ZRANB3: variants seen among roughly 807,000 people sequenced by gnomAD.
ZRANB3 encodes DNA annealing helicase and endonuclease ZRANB3.
ZRANB3 carries 125 observed loss-of-function variants against 133.8 expected under a neutral mutation model. The observed-to-expected ratio is 0.93, with a 90% CI of 0.81 to 1.08. ZRANB3 has a LOEUF of 1.08. ZRANB3 is among the 50% of genes least tolerant of loss of function. The pLI, the probability that ZRANB3 is intolerant of heterozygous loss-of-function variation, is 0.00. For missense variants in ZRANB3, 1,229 were observed against 1,275.5 expected (o/e 0.96, Z 0.56); for synonymous variants, 387 against 432.7 (o/e 0.89, Z 1.31).
intron 1 of ZRANB3, among the ~76,000 whole-genome samples, chr2:135,520,187 C>T (rs929196559): frequency 1.3e-5 from 2 of 151,512 alleles, no homozygotes; most frequent in Non-Finnish European, 2.9e-5. Flanking sequence ...AGTTCAAGAC[C>T]AGCCTGGCAA....
chr2:135,364,188 A>G (rs1685823989), intron 3 of ZRANB3, among the ~76,000 whole-genome samples: 1 of 152,038 alleles, frequency 6.6e-6, no homozygotes, highest in African/African-American at 2.4e-5. Flanking sequence ...TATGTGGATG[A>G]CTCTCAGGTT....
At chr2:135,419,566 TA>T (rs1402768099) in intron 2 of ZRANB3, among the ~76,000 whole-genome samples, 1 of 151,964 alleles carries the variant, frequency 6.6e-6, no homozygotes, top group Non-Finnish European at 1.5e-5. Context: ...TTTTTAAGGG[TA>T]AAATAAGGAT....
intron 15 of ZRANB3, among the ~76,000 whole-genome samples, chr2:135,220,170 G>A (rs1038090146): frequency 6.6e-6 from 1 of 152,018 alleles, no homozygotes; most frequent in Non-Finnish European, 1.5e-5. Context: ...CTCCCAAAGT[G>A]CTAGGATTAT....
chr2:135,327,075 C>T (rs2104841693), intron 6 of ZRANB3, among the ~76,000 whole-genome samples: 1 of 152,036 alleles, frequency 6.6e-6, no homozygotes, highest in Admixed American at 6.6e-5. Context: ...ATTGTTGAAG[C>T]TGGGTAATGA....
At chr2:135,270,855 C>T (rs1444464810) in intron 10 of ZRANB3, among the ~76,000 whole-genome samples, 1 of 152,208 alleles carries the variant, frequency 6.6e-6, no homozygotes, top group East Asian at 1.9e-4. Context: ...CTAGCTTAGA[C>T]ATTTACAACA....
At chr2:135,285,065 G>A (rs1379091501) in intron 8 of ZRANB3, among the ~76,000 whole-genome samples, 3 of 149,858 alleles carry the variant, frequency 2.0e-5, no homozygotes, top group East Asian at 4.0e-4. Context: ...GGCTGGTCTC[G>A]AACTCCCGGC....
intron 2 of ZRANB3, among the ~76,000 whole-genome samples, chr2:135,439,672 A>G (rs1015557054): frequency 3.9e-5 from 6 of 152,200 alleles, no homozygotes; most frequent in African/African-American, 2.4e-5. Context: ...ATGGTTCTCA[A>G]ATTTGACTAC....
intron 12 of ZRANB3, among the ~76,000 whole-genome samples, chr2:135,245,926 C>CAAAAAAA (rs1177438717): frequency 0.14 from 2,667 of 19,498 alleles, 528 homozygotes; most frequent in East Asian, 0.4. Context: ...AACTCCGTCT[C>CAAAAAAA]AAAAAAAAAA....
At chr2:135,437,440 A>C (rs1689596634) in intron 2 of ZRANB3, among the ~76,000 whole-genome samples, 1 of 152,210 alleles carries the variant, frequency 6.6e-6, no homozygotes, top group Admixed American at 6.5e-5. Context: ...AAGGCAGAAC[A>C]GTAGTTTGGA....
chr2:135,355,107 G>T, intron 3 of ZRANB3: 3 of 385,396 alleles, frequency 7.8e-6, no homozygotes, highest in Non-Finnish European at 1.1e-5. Context: ...AGCAGATTTT[G>T]GACTTTAAGC....
At chr2:135,435,221 G>A (rs1363689626) in intron 2 of ZRANB3, among the ~76,000 whole-genome samples, 6 of 151,388 alleles carry the variant, frequency 4.0e-5, no homozygotes, top group South Asian at 2.1e-4. Flanking sequence ...TTTCGCTCCC[G>A]CTTACAAGTG....
At chr2:135,511,680 A>G in intron 1 of ZRANB3, 1 of 767,770 alleles carries the variant, frequency 1.3e-6, no homozygotes, top group Admixed American at 1.7e-5. Flanking sequence ...CTACCACACC[A>G]TCATTTAGTG....
At chr2:135,233,553 G>A (rs1044093147) in intron 12 of ZRANB3, among the ~76,000 whole-genome samples, 12 of 152,018 alleles carry the variant, frequency 7.9e-5, no homozygotes, top group Admixed American at 5.2e-4. Flanking sequence ...GAAAGCTCGG[G>A]TTACCCACAA....
chr2:135,444,974 T>C (rs996965884), intron 2 of ZRANB3, among the ~76,000 whole-genome samples: 1 of 152,168 alleles, frequency 6.6e-6, no homozygotes, highest in Non-Finnish European at 1.5e-5. Context: ...TCCGTAAGTG[T>C]AATTTTGGTG....
At chr2:135,511,922 G>C (rs1693479139) in intron 1 of ZRANB3, 3 of 759,382 alleles carry the variant, frequency 4.0e-6, no homozygotes, top group African/African-American at 1.7e-5. Context: ...ACCAGCAGGG[G>C]ACTAGCCTTC....
chr2:135,520,588 T>A (rs1334282709), intron 1 of ZRANB3, among the ~76,000 whole-genome samples: 2 of 151,708 alleles, frequency 1.3e-5, no homozygotes, highest in East Asian at 3.9e-4. Context: ...AATTGTTTTT[T>A]TGTTTGTTTT....
chr2:135,333,386 T>A (rs1008043981), intron 6 of ZRANB3, among the ~76,000 whole-genome samples: 4 of 152,182 alleles, frequency 2.6e-5, no homozygotes, highest in African/African-American at 9.6e-5. Flanking sequence ...AAAACAATGT[T>A]TATGCTTATA....
intron 3 of ZRANB3, among the ~76,000 whole-genome samples, chr2:135,357,072 C>A (rs1685471903): frequency 6.6e-6 from 1 of 151,916 alleles, no homozygotes; most frequent in African/African-American, 2.4e-5. Flanking sequence ...GTCTTTTTGT[C>A]CACCTTTTTG....
Position 135,248,976 on chromosome 2 carries a change from C to T in ZRANB3, c.1539+16558G>A, listed in dbSNP as rs1419795616. ...CACTTCTCAAAAGAAGACATATATG[C>T]GGCCAACAAGTATATGAAGAAAAGT... is the stretch of plus-strand genomic sequence containing the variant. On this transcript the variant is annotated intron_variant, in intron 12 of 20. Transcript: ENST00000264159. 4.6e-5 allele frequency among the ~76,000 whole-genome samples: 7 copies of T among 152,174 alleles called. No homozygotes were observed. In the East Asian group the frequency reaches 5.8e-4, roughly 13 times the overall value.
Sources: gnomAD v4.1 joint callset for allele counts (sites outside exome capture counted in the v4.1 genomes callset) on GRCh38, gnomAD v4.1.1 for gene constraint, MANE v1.5 for transcripts, NCBI Gene and HGNC (gene_info 2026-07-23, HGNC 2026-07-21) for gene names.